The following ILDR1 variants were observed in gnomAD, a reference collection of about 807,000 sequenced individuals.
ILDR1 encodes immunoglobulin like domain containing receptor 1.
A neutral mutation model predicts 62.4 loss-of-function variants in ILDR1; 56 were observed. The ratio of observed to expected loss-of-function variants is 0.90; its 90% CI spans 0.72 to 1.12. The LOEUF (loss-of-function observed/expected upper bound fraction) is 1.12, where lower values mean the gene tolerates loss of function less well. Among genes scored for constraint, ILDR1 ranks in the 50% most tolerant of loss-of-function variants. ILDR1 has a pLI of 0.00. For missense variants in ILDR1, 736 were observed against 710.6 expected (o/e 1.04, Z -0.41); for synonymous variants, 284 against 277.8 (o/e 1.02, Z -0.22).
In ILDR1 at chr3:122,018,908, G is replaced by A. The variant is rs79509318; in HGVS notation, c.58+3112C>T. Among the ~76,000 whole-genome samples, 732 of 152,256 alleles carry A rather than the reference G, an allele frequency of 4.8e-3. 6 individuals carry two copies. The highest frequency in any genetic ancestry group is 0.017 in the African/African-American group (695 of 41,540). On this transcript the variant is annotated intron_variant, in intron 1 of 7. Transcript: ENST00000344209. ...ATTAAGTCTACGGTATGGTCCATAC[G>A]TCCACCCCCACCACCCAGGAAAAAT...
rs2071693499 is a variant in ILDR1, at chr3:122,010,890, T to C, written c.59-3729A>G. ...ACTAAATGTGATACCTGGGAGAAGA[T>C]TAGCTGTGCTCACTTCCTGTACAAC... is the stretch of plus-strand genomic sequence containing the variant. On this transcript the variant is annotated intron_variant, in intron 1 of 7. Transcript: ENST00000344209. Among the ~76,000 whole-genome samples, 3 of 152,206 alleles carry C rather than the reference T, an allele frequency of 2.0e-5. No individual in the cohort carries two copies. The South Asian group carries it at 6.2e-4, about 31-fold the overall frequency.
chr3:122,021,497 A>C (rs1190878614), intron 1 of ILDR1, among the ~76,000 whole-genome samples: 2 of 152,234 alleles, frequency 1.3e-5, no homozygotes, highest in Non-Finnish European at 2.9e-5. Flanking sequence ...GACTGGATAC[A>C]GAGAAAGTAG....
intron 7 of ILDR1, among the ~76,000 whole-genome samples, chr3:121,990,526 T>C (rs2107637818): frequency 6.6e-6 from 1 of 152,340 alleles, no homozygotes; most frequent in Admixed American, 6.5e-5. Context: ...AGCTGTGATA[T>C]TTTCAGAAAA....
chr3:122,051,354 T>C, the ILDR1 span, among the ~76,000 whole-genome samples: 1 of 152,158 alleles, frequency 6.6e-6, no homozygotes, highest in Non-Finnish European at 1.5e-5. Context: ...CTCTGGATAA[T>C]TTCAAATGAC....
the ILDR1 span, among the ~76,000 whole-genome samples, chr3:122,027,489 C>A: frequency 6.6e-6 from 1 of 152,268 alleles, no homozygotes; most frequent in South Asian, 2.1e-4. Context: ...TGCGCCTGGC[C>A]TGAAACTTTT....
chr3:122,002,945 G>A (rs2071550628), intron 3 of ILDR1, among the ~76,000 whole-genome samples: 1 of 152,106 alleles, frequency 6.6e-6, no homozygotes, highest in African/African-American at 2.4e-5. Context: ...CATCTACAAG[G>A]AATTTAAAAT....
chr3:122,040,724 AAAAAAAAAAAAAG>A, the ILDR1 span, among the ~76,000 whole-genome samples: 86 of 121,262 alleles, frequency 7.1e-4, no homozygotes, highest in African/African-American at 2.5e-3. Context: ...ATCCAGATGC[AAAAAAAAAAAAAG>A]AAAAAAAAAA....
chr3:122,045,573 C>G, the ILDR1 span, among the ~76,000 whole-genome samples: 3 of 149,148 alleles, frequency 2.0e-5, no homozygotes, highest in Admixed American at 6.7e-5. Context: ...GTAGGTCACT[C>G]AGGACTTGCT....
chr3:122,001,010 A>C (rs563214904), intron 5 of ILDR1, among the ~76,000 whole-genome samples: 31 of 152,306 alleles, frequency 2.0e-4, no homozygotes, highest in African/African-American at 7.0e-4. Flanking sequence ...CAGTGCTAGG[A>C]ATGAAGATCG....
chr3:122,018,917 C>A (rs1317871303), intron 1 of ILDR1, among the ~76,000 whole-genome samples: 1 of 152,178 alleles, frequency 6.6e-6, no homozygotes, highest in Non-Finnish European at 1.5e-5. Context: ...CGTCCACCCC[C>A]ACCACCCAGG....
chr3:122,016,353 AC>A (rs2071776708), intron 1 of ILDR1, among the ~76,000 whole-genome samples: 1 of 152,236 alleles, frequency 6.6e-6, no homozygotes. Context: ...GACAATAAGC[AC>A]CACGGGGGCC....
intron 2 of ILDR1, 89 bp downstream of exon 2, chr3:122,006,902 G>T: frequency 1.4e-6 from 2 of 1,395,284 alleles, no homozygotes; most frequent in Non-Finnish European, 2.0e-6. Context: ...ACCAAGATTT[G>T]TAATCCTAAA....
the ILDR1 span, among the ~76,000 whole-genome samples, chr3:122,039,408 G>T: frequency 6.6e-6 from 1 of 151,952 alleles, no homozygotes; most frequent in African/African-American, 2.4e-5. Flanking sequence ...GATATTACAC[G>T]TAGAAAAACA....
rs2071405286 is a variant in ILDR1 at position 121,994,262 on chromosome 3, A to G, written c.698T>C (p.Met233Thr). 1 of 1,536,030 alleles carries G rather than the reference A, an allele frequency of 6.5e-7. No individual in the cohort carries two copies. The highest frequency in any genetic ancestry group is 8.7e-7 in the Non-Finnish European group (1 of 1,146,858). ...CCCCCAGTACAGGGGTTTTCCCATCATCTGAGGACCTAGGGCCTGGGCCTG... is the reference window on the plus strand; with the variant it reads ...CCCCCAGTACAGGGGTTTTCCCATCGTCTGAGGACCTAGGGCCTGGGCCTG... Reference protein sequence around the residue: ...MKQAQALGPQMMGKPLYWGAD... With the variant: ...MKQAQALGPQTMGKPLYWGAD... Residue 233 changes from methionine (M) to threonine (T), a missense_variant, in exon 6 of 8, where the codon ATG (methionine) becomes ACG (threonine). Met to Thr is a moderately conservative substitution (Grantham distance 81). Transcript: ENST00000344209.
At chr3:122,007,349 A>T in intron 1 of ILDR1, 188 bp from the exon 2 acceptor site, 1 of 1,287,182 alleles carries the variant, frequency 7.8e-7, no homozygotes. Context: ...CGCACTCAGC[A>T]GCCTCAGAGG....
At chr3:122,049,087 A>G in the ILDR1 span, among the ~76,000 whole-genome samples, 1 of 152,126 alleles carries the variant, frequency 6.6e-6, no homozygotes, top group African/African-American at 2.4e-5. Context: ...GCTGCATTCC[A>G]TAAAGTTTGG....
In ILDR1 at chr3:122,017,899, C is replaced by A. The variant is rs566508604; in HGVS notation, c.58+4121G>T. 3.3e-5 allele frequency among the ~76,000 whole-genome samples: 5 copies of A among 152,198 alleles called. No homozygotes were observed. The South Asian group carries it at 6.2e-4, about 19-fold the overall frequency. On this transcript the variant is annotated intron_variant, in intron 1 of 7. Transcript: ENST00000344209. ...ATTAAAAGTCAGGAAACAACAGATG[C>A]GGGAGAGGTTGTGGAAAAATAGGAA...
intron 1 of ILDR1, among the ~76,000 whole-genome samples, chr3:122,011,631 T>C (rs1400241992): frequency 6.6e-6 from 1 of 150,842 alleles, no homozygotes; most frequent in African/African-American, 2.4e-5. Context: ...ACCTCAAACG[T>C]CCACCCCCTG....
In ILDR1 at chr3:122,001,315, A is replaced by G. The variant is rs1340238469; in HGVS notation, c.639T>C (p.Pro213=). ...CPCCPAHCCC[P]EEALARHRYM... Reference sequence around the variant, plus strand: ...TTGTCTGTCCCCTCTCACCTTCCTCAGGACAGCAGCAGTGGGCAGGACAGC... The same window carrying G: ...TTGTCTGTCCCCTCTCACCTTCCTCGGGACAGCAGCAGTGGGCAGGACAGC... Residue 213 remains proline, a synonymous_variant, in exon 5 of 8, where the codon CCT becomes CCC. Transcript: ENST00000344209. 1 of 1,614,148 alleles carries G rather than the reference A, an allele frequency of 6.2e-7. No homozygotes were observed. The highest frequency in any genetic ancestry group is 1.7e-5 in the Admixed American group (1 of 60,016).
Sources: allele counts gnomAD v4.1 joint callset (sites outside exome capture counted in the v4.1 genomes callset), GRCh38; gene constraint gnomAD v4.1.1; transcripts MANE v1.5; gene names NCBI Gene and HGNC (gene_info 2026-07-23, HGNC 2026-07-21).